Variants in NXPE2 observed in about 807,000 individuals in gnomAD.
NXPE2 encodes neurexophilin and PC-esterase domain family member 2.
A neutral mutation model predicts 34.4 loss-of-function variants in NXPE2; 34 were observed. The ratio of observed to expected loss-of-function variants is 0.99; its 90% CI spans 0.75 to 1.31. The LOEUF (loss-of-function observed/expected upper bound fraction) is 1.31, where lower values mean the gene tolerates loss of function less well. Ranked by LOEUF, NXPE2 falls within the 40% of genes most tolerant of loss-of-function variation. NXPE2 has a pLI of 0.00. For synonymous variants in NXPE2, 235 were observed against 231.3 expected (o/e 1.02, Z -0.15); for missense variants, 649 against 672.5 (o/e 0.97, Z 0.39).
chr11:114,515,778 C>T, the NXPE2 span, among the ~76,000 whole-genome samples: 1 of 98,688 alleles, frequency 1.0e-5, no homozygotes, highest in African/African-American at 6.4e-5. Context: ...TGAAGTAGAG[C>T]AATTCAGGTG....
At chr11:114,643,370 T>C in the NXPE2 span, among the ~76,000 whole-genome samples, 19 of 152,270 alleles carry the variant, frequency 1.2e-4, no homozygotes, top group Non-Finnish European at 1.2e-4. Flanking sequence ...GGTTTTCTTC[T>C]AGTGTTTTTA....
the NXPE2 span, among the ~76,000 whole-genome samples, chr11:114,800,666 C>T: frequency 1.3e-5 from 2 of 152,196 alleles, no homozygotes; most frequent in Admixed American, 6.5e-5. Context: ...TAAATACTGA[C>T]ATTGGAATCA....
chr11:114,801,409 TGAAG>T, the NXPE2 span, among the ~76,000 whole-genome samples: 3 of 152,128 alleles, frequency 2.0e-5, no homozygotes, highest in Admixed American at 2.0e-4. Context: ...GAAGACTTAA[TGAAG>T]GAAGAAGATG....
intron 2 of NXPE2, among the ~76,000 whole-genome samples, chr11:114,694,805 A>G (rs1951218351): frequency 6.6e-6 from 1 of 151,714 alleles, no homozygotes; most frequent in South Asian, 2.1e-4. Flanking sequence ...AGAGTTGCCA[A>G]GTCTCTACAT....
At chr11:114,556,919 G>A in the NXPE2 span, among the ~76,000 whole-genome samples, 27,689 of 146,894 alleles carry the variant, frequency 0.19, 3,161 homozygotes, top group African/African-American at 0.31. Context: ...TTGAGACAGA[G>A]TCTCACTCTG....
At chr11:114,488,608 A>G in the NXPE2 span, among the ~76,000 whole-genome samples, 2 of 152,332 alleles carry the variant, frequency 1.3e-5, no homozygotes, top group East Asian at 3.9e-4. Flanking sequence ...CTGAATGACT[A>G]CTGGATACAT....
the NXPE2 span, among the ~76,000 whole-genome samples, chr11:114,597,008 A>G: frequency 6.6e-6 from 1 of 152,234 alleles, no homozygotes; most frequent in Non-Finnish European, 1.5e-5. Flanking sequence ...GTGTGTTTAT[A>G]GTGTATATGT....
chr11:114,610,089 G>C, the NXPE2 span, among the ~76,000 whole-genome samples: 3 of 151,808 alleles, frequency 2.0e-5, no homozygotes, highest in African/African-American at 7.3e-5. Flanking sequence ...CTGTTAACTG[G>C]TGAATAATAA....
At chr11:114,727,479 G>A in the NXPE2 span, among the ~76,000 whole-genome samples, 6 of 151,876 alleles carry the variant, frequency 4.0e-5, no homozygotes, top group African/African-American at 1.5e-4. Context: ...GAAGATGAGG[G>A]CAACACAAAT....
chr11:114,584,312 A>G, the NXPE2 span: 1 of 509,182 alleles, frequency 2.0e-6, no homozygotes, highest in Non-Finnish European at 4.0e-6. Flanking sequence ...ATGACTAACC[A>G]GAACACTAAT....
the NXPE2 span, among the ~76,000 whole-genome samples, chr11:114,467,185 A>C: frequency 1.3e-5 from 2 of 152,236 alleles, no homozygotes; most frequent in Non-Finnish European, 2.9e-5. Context: ...GACGTTTGTC[A>C]AAGGTCAAAG....
At chr11:114,603,596 T>G in the NXPE2 span, among the ~76,000 whole-genome samples, 1 of 151,490 alleles carries the variant, frequency 6.6e-6, no homozygotes, top group Admixed American at 6.6e-5. Flanking sequence ...TCCTATTACC[T>G]GGTGGATGAT....
the NXPE2 span, chr11:114,530,777 T>C: frequency 9.9e-6 from 16 of 1,614,126 alleles, no homozygotes; most frequent in Non-Finnish European, 1.4e-5. Flanking sequence ...CTAGTTTCTC[T>C]ATGATTTCCT....
chr11:114,720,243 C>T, the NXPE2 span, among the ~76,000 whole-genome samples: 1 of 152,122 alleles, frequency 6.6e-6, no homozygotes, highest in African/African-American at 2.4e-5. Flanking sequence ...GCATGGAGGG[C>T]CCTGAGCCAT....
the NXPE2 span, among the ~76,000 whole-genome samples, chr11:114,758,626 G>A: frequency 2.6e-5 from 4 of 152,024 alleles, no homozygotes; most frequent in African/African-American, 4.8e-5. Flanking sequence ...TGGAGATCTG[G>A]GCTAGAATCA....
chr11:114,639,159 G>A, the NXPE2 span, among the ~76,000 whole-genome samples: 4 of 152,032 alleles, frequency 2.6e-5, no homozygotes, highest in East Asian at 7.7e-4. Flanking sequence ...ACCTAAGCAA[G>A]CCTGGGCAAT....
chr11:114,727,412 G>A, the NXPE2 span, among the ~76,000 whole-genome samples: 1 of 152,050 alleles, frequency 6.6e-6, no homozygotes, highest in African/African-American at 2.4e-5. Context: ...ACCTGATCAT[G>A]TCTGAAAAGC....
the NXPE2 span, among the ~76,000 whole-genome samples, chr11:114,532,286 A>G: frequency 1.3e-5 from 2 of 152,248 alleles, no homozygotes; most frequent in Non-Finnish European, 2.9e-5. Flanking sequence ...GCCAAAAGAC[A>G]AATCATTGGC....
chr11:114,467,808 C>T, the NXPE2 span, among the ~76,000 whole-genome samples: 2 of 151,900 alleles, frequency 1.3e-5, no homozygotes, highest in Admixed American at 6.6e-5. Context: ...TGGTGGTGTG[C>T]AACCGTAGTC....
Sources: gnomAD v4.1 joint callset for allele counts (sites outside exome capture counted in the v4.1 genomes callset) on GRCh38, gnomAD v4.1.1 for gene constraint, MANE v1.5 for transcripts, NCBI Gene and HGNC (gene_info 2026-07-23, HGNC 2026-07-21) for gene names.